Variants in PPP2R5C observed in about 807,000 individuals in gnomAD.
The protein encoded by PPP2R5C is serine/threonine-protein phosphatase 2A 56 kDa regulatory subunit gamma isoform.
Under a neutral mutation model 68.9 loss-of-function variants are expected in PPP2R5C, and 7 were observed. That is an observed-to-expected ratio of 0.10 (90% CI 0.06 to 0.19). The LOEUF (loss-of-function observed/expected upper bound fraction) is 0.19. PPP2R5C is among the 10% of genes least tolerant of loss of function. PPP2R5C has a pLI of 1.00. For synonymous variants in PPP2R5C, 210 were observed against 222.2 expected (o/e 0.95, Z 0.49); for missense variants, 348 against 641.3 (o/e 0.54, Z 4.94).
At chr14:101,890,812 A>G (rs908003733) in intron 6 of PPP2R5C, among the ~76,000 whole-genome samples, 6 of 116,056 alleles carry the variant, frequency 5.2e-5, no homozygotes, top group Non-Finnish European at 4.8e-5. Context: ...TTGCTCTGGC[A>G]CCCAGGCTCA....
chr14:101,836,147 T>C, intron 1 of PPP2R5C: 1 of 686,138 alleles, frequency 1.5e-6, no homozygotes, highest in Non-Finnish European at 2.7e-6. Flanking sequence ...TCCTAGCAGC[T>C]GAAAGGTTTT....
intron 2 of PPP2R5C, among the ~76,000 whole-genome samples, chr14:101,880,787 C>T (rs1224744260): frequency 6.6e-6 from 1 of 151,830 alleles, no homozygotes; most frequent in Non-Finnish European, 1.5e-5. Context: ...AGAGAGATGC[C>T]CTGTCTTTAA....
intron 12 of PPP2R5C, 34 bp downstream of exon 14, chr14:101,912,507 GGGTT>G: frequency 1.3e-6 from 2 of 1,578,440 alleles, no homozygotes; most frequent in South Asian, 2.4e-5. Context: ...AAAACGCCCA[GGGTT>G]ACTTGAATGT....
At chr14:101,772,117 G>A (rs1485318718) in intron 2 of PPP2R5C, among the ~76,000 whole-genome samples, 2 of 151,982 alleles carry the variant, frequency 1.3e-5, no homozygotes, top group East Asian at 1.9e-4. Flanking sequence ...AATTCTTATG[G>A]GAGTGTATTT....
chr14:101,864,661 G>T (rs559105646), intron 2 of PPP2R5C, among the ~76,000 whole-genome samples: 101 of 152,280 alleles, frequency 6.6e-4, no homozygotes, highest in South Asian at 1.7e-3. Flanking sequence ...GCAATATAGA[G>T]GAGGGAAGGG....
rs888364461 is a variant in PPP2R5C, at chr14:101,877,579, A to G, written c.295-4582A>G. Reference sequence around the variant, plus strand: ...CAGGTAGCATGGCAGTGACATTTGCACACAGACATCAGCACCCCAGGTTTC... The same window carrying G: ...CAGGTAGCATGGCAGTGACATTTGCGCACAGACATCAGCACCCCAGGTTTC... On this transcript the variant is annotated intron_variant, in intron 2 of 13. Coordinates refer to ENST00000334743, the Ensembl canonical transcript of PPP2R5C. This position sits in a 1 kb window ranked among gnomAD's most constrained non-coding sequence, Gnocchi z 4.2. 6.6e-6 allele frequency among the ~76,000 whole-genome samples: 1 copy of G among 152,084 alleles called. No homozygotes were observed. The highest frequency in any genetic ancestry group is 1.5e-5 in the Non-Finnish European group (1 of 67,994).
intron 1 of PPP2R5C, among the ~76,000 whole-genome samples, chr14:101,816,449 G>C (rs920947558): frequency 6.6e-6 from 1 of 151,978 alleles, no homozygotes; most frequent in Non-Finnish European, 1.5e-5. Flanking sequence ...GTTTAAAAAA[G>C]AAAAAAGACT....
Position 101,917,898 on chromosome 14 carries a change from T to G in PPP2R5C, c.1394T>G (p.Phe465Cys). 6.2e-7 allele frequency: 1 copy of G among 1,613,806 alleles called. No individual in the cohort carries two copies. The highest frequency in any genetic ancestry group is 1.3e-5 in the African/African-American group (1 of 74,948). ...GCAATGGAGACAGATGGGCCTTTAT[T>G]TGAAGATGTGCAGATGCTGAGAAAG... The change falls in exon 13 of 14, where the codon TTT becomes TGT. Residue 465 changes from phenylalanine (F) to cysteine (C), a missense_variant. Coordinates refer to ENST00000334743, the Ensembl canonical transcript of PPP2R5C. The surrounding 1 kb of genome is among the most constrained non-coding windows in gnomAD (Gnocchi z 4.4).
chr14:101,859,822 C>T (rs2042650495), intron 2 of PPP2R5C, among the ~76,000 whole-genome samples: 1 of 152,114 alleles, frequency 6.6e-6, no homozygotes, highest in African/African-American at 2.4e-5. Context: ...ACTTAAGCAG[C>T]CTTTAGCCAT....
At chr14:101,898,468 GA>G (rs2045492072) in intron 8 of PPP2R5C, among the ~76,000 whole-genome samples, 1 of 152,130 alleles carries the variant, frequency 6.6e-6, no homozygotes, top group Non-Finnish European at 1.5e-5. Flanking sequence ...CAAAAGCAGA[GA>G]ATGTTTGTAA....
intron 2 of PPP2R5C, 22 bp downstream of exon 4, chr14:101,856,907 A>G: frequency 3.7e-6 from 6 of 1,601,782 alleles, no homozygotes; most frequent in Non-Finnish European, 5.1e-6. Flanking sequence ...CAGTTTAACC[A>G]GTGTGTCCCA....
rs1235996871 is a variant in PPP2R5C at position 101,835,219 on chromosome 14, G to A, written c.95-21467G>A. Among the ~76,000 whole-genome samples the A allele has an allele frequency of 6.6e-6, 1 of 152,216 alleles. No individual in the cohort carries two copies. The highest frequency in any genetic ancestry group is 6.5e-5 in the Admixed American group (1 of 15,280). On this transcript the variant is annotated intron_variant, in intron 1 of 13. Transcript: ENST00000334743. The surrounding 1 kb of genome is among the most constrained non-coding windows in gnomAD (Gnocchi z 5.0). The stretch of plus-strand genomic sequence containing the variant: ...AGCTGGGGCCATCCAAGGAAGCAAA[G>A]ATGTGGTGCTGTCCTGTGGCTGGGG...
At chr14:101,873,054 AT>A (rs796960524) in intron 2 of PPP2R5C, among the ~76,000 whole-genome samples, 27 of 151,476 alleles carry the variant, frequency 1.8e-4, no homozygotes, top group African/African-American at 6.5e-4. Flanking sequence ...ATTTTTTTTA[AT>A]TAAGTGAGCA....
At chr14:101,790,357 A>G (rs189033808) in intron 3 of PPP2R5C, among the ~76,000 whole-genome samples, 5 of 152,334 alleles carry the variant, frequency 3.3e-5, no homozygotes, top group African/African-American at 7.2e-5. Context: ...CGTCACCACA[A>G]TTCTGTTTTA....
Position 101,917,956 on chromosome 14 carries a change from G to A in PPP2R5C, c.1443+9G>A. Reference sequence around the variant, plus strand: ...AGGACGAGGCTCATCAGGTAAAAGTGCACCGAGCTCAGCTGGGCACCCATG... The same window carrying A: ...AGGACGAGGCTCATCAGGTAAAAGTACACCGAGCTCAGCTGGGCACCCATG... On this transcript the variant is annotated intron_variant, in intron 13 of 13. Transcript: ENST00000334743. The surrounding 1 kb of genome is among the most constrained non-coding windows in gnomAD (Gnocchi z 4.4). The A allele has an allele frequency of 6.2e-7, 1 of 1,613,734 alleles. No individual in the cohort carries two copies. The highest frequency in any genetic ancestry group is 8.5e-7 in the Non-Finnish European group (1 of 1,179,810).
At chr14:101,833,565 C>T (rs1416751303) in intron 1 of PPP2R5C, 1 of 152,180 alleles carries the variant, frequency 6.6e-6, no homozygotes, top group Non-Finnish European at 1.5e-5. Context: ...TTGTCTGGCC[C>T]CAAAGACACA....
At chr14:101,763,039 G>C in intron 2 of PPP2R5C, 69 bp downstream of exon 2, 4 of 1,334,534 alleles carry the variant, frequency 3.0e-6, no homozygotes, top group Non-Finnish European at 3.1e-6. Context: ...AAAACCGAGA[G>C]TGATAAAGCC....
intron 2 of PPP2R5C, among the ~76,000 whole-genome samples, chr14:101,778,238 C>G (rs1467169083): frequency 2.6e-5 from 4 of 152,124 alleles, no homozygotes; most frequent in African/African-American, 9.7e-5. Context: ...AATGCCTGTT[C>G]AAGTCCTTTG....
At position 101,781,488 on chromosome 14, in the gene PPP2R5C, G is replaced by A. The variant is rs1393020067; in HGVS notation, c.94-4530G>A. On this transcript the variant is annotated intron_variant, in intron 2 of 14. Coordinates refer to the PPP2R5C transcript ENST00000328724. The surrounding 1 kb of genome is among the most constrained non-coding windows in gnomAD (Gnocchi z 6.4). ...TGGGCTCCCGCCGGGCCCTCCTGCCGCCCCCCAGCCTCCCCGCCCCTGCCC... is the reference window on the plus strand; with the variant it reads ...TGGGCTCCCGCCGGGCCCTCCTGCCACCCCCCAGCCTCCCCGCCCCTGCCC... Among the ~76,000 whole-genome samples the A allele has an allele frequency of 7.5e-6, 1 of 134,110 alleles. No homozygotes were observed. The highest frequency in any genetic ancestry group is 2.6e-4 in the East Asian group (1 of 3,910). The allele number at this position is 134,110 out of a possible 152,430, so 88.0% of individuals were successfully genotyped here.
Sources: gnomAD v4.1 joint callset for allele counts (sites outside exome capture counted in the v4.1 genomes callset) on GRCh38, gnomAD v4.1.1 for gene constraint, Gnocchi (gnomAD v3.1) non-coding constraint, MANE v1.5 for transcripts, NCBI Gene and HGNC (gene_info 2026-07-23, HGNC 2026-07-21) for gene names.